The following RIT2 variants were observed in gnomAD, a reference collection of about 807,000 sequenced individuals.
The protein encoded by RIT2 is Ras like without CAAX 2, also known as GTP-binding protein Rit2.
RIT2 carries 24 observed loss-of-function variants against 23.7 expected under a neutral mutation model. The ratio of observed to expected loss-of-function variants is 1.01; its 90% CI spans 0.73 to 1.43. The LOEUF (loss-of-function observed/expected upper bound fraction) is 1.43. RIT2 is among the 40% of genes most tolerant of loss of function. The pLI is 0.00. For synonymous variants in RIT2, 107 were observed against 91.1 expected, an observed-to-expected ratio of 1.17 and a Z score of -0.99; for missense variants, 236 against 266.9, an observed-to-expected ratio of 0.88 and a Z score of 0.81.
chr18:42,994,845 A>T lies in RIT2; in HGVS notation c.161-20698T>A, dbSNP rs193258398. Among the ~76,000 whole-genome samples, 5 of 151,972 alleles carry T rather than the reference A, an allele frequency of 3.3e-5. No homozygotes were observed. The East Asian group carries it at 9.7e-4, about 30-fold the overall frequency. The stretch of plus-strand genomic sequence containing the variant: ...TTCCAAAATCTATTTTCTTCCTCAC[A>T]CCTGACACATATACTTTCTGCTCCC... On this transcript the variant is annotated intron_variant, in intron 2 of 4. Coordinates refer to ENST00000326695, the MANE Select transcript of RIT2 (RefSeq NM_002930.4).
chr18:43,026,428 C>A (rs1911719612), intron 2 of RIT2, among the ~76,000 whole-genome samples: 2 of 151,746 alleles, frequency 1.3e-5, no homozygotes, highest in South Asian at 4.1e-4. Flanking sequence ...GTGGTGCGTG[C>A]CTGTAGTCTC....
At chr18:43,093,332 T>C (rs549365546) in intron 1 of RIT2, among the ~76,000 whole-genome samples, 1 of 152,082 alleles carries the variant, frequency 6.6e-6, no homozygotes, top group Non-Finnish European at 1.5e-5. Flanking sequence ...CTACTATCAA[T>C]GGCAAAGCCT....
chr18:42,827,731 C>T lies in RIT2; in HGVS notation c.427-84011G>A, dbSNP rs573779237. Among the ~76,000 whole-genome samples, 9 of 152,044 alleles carry T rather than the reference C, an allele frequency of 5.9e-5. No individual in the cohort carries two copies. The South Asian group carries it at 1.2e-3, about 21-fold the overall frequency. ...AGTATTTAGAAAAATGTAGGCCAGG[C>T]GTGGTGGCTCATGCCTGCAATCCCA... is the stretch of plus-strand genomic sequence containing the variant. On this transcript the variant is annotated intron_variant, in intron 4 of 4. Coordinates refer to ENST00000326695, the MANE Select transcript of RIT2 (RefSeq NM_002930.4).
intron 1 of RIT2, among the ~76,000 whole-genome samples, chr18:43,060,013 T>C (rs890172674): frequency 6.6e-6 from 1 of 152,136 alleles, no homozygotes; most frequent in African/African-American, 2.4e-5. Flanking sequence ...ACAATTAGGC[T>C]TAAAGCACAG....
intron 4 of RIT2, among the ~76,000 whole-genome samples, chr18:42,763,668 T>G (rs1913356293): frequency 6.6e-6 from 1 of 152,162 alleles, no homozygotes. Flanking sequence ...TAATATTAAA[T>G]TAATCTCAGC....
chr18:42,775,688 C>G (rs1220900256), intron 4 of RIT2, among the ~76,000 whole-genome samples: 1 of 127,932 alleles, frequency 7.8e-6, no homozygotes, highest in African/African-American at 3.0e-5. Context: ...CAGAGCGAGA[C>G]TCCATCTCAA....
intron 4 of RIT2, among the ~76,000 whole-genome samples, chr18:42,784,295 AAAATG>A (rs1221118019): frequency 6.6e-6 from 1 of 151,908 alleles, no homozygotes; most frequent in Non-Finnish European, 1.5e-5. Context: ...AATTAATCTT[AAAATG>A]AAATGAAAGA....
At chr18:42,917,709 C>T (rs1425435592) in intron 4 of RIT2, among the ~76,000 whole-genome samples, 2 of 152,122 alleles carry the variant, frequency 1.3e-5, no homozygotes, top group African/African-American at 4.8e-5. Flanking sequence ...CTTTTTAGCT[C>T]TACATAACCT....
At chr18:43,076,658 G>A (rs1056488515) in intron 1 of RIT2, among the ~76,000 whole-genome samples, 1 of 152,108 alleles carries the variant, frequency 6.6e-6, no homozygotes, top group African/African-American at 2.4e-5. Flanking sequence ...ATTTGATTGA[G>A]GTCCATAGAT....
chr18:43,101,312 C>T (rs1387098391), intron 1 of RIT2, among the ~76,000 whole-genome samples: 1 of 152,128 alleles, frequency 6.6e-6, no homozygotes, highest in Non-Finnish European at 1.5e-5. Context: ...TGAATTCTTA[C>T]TCTCATTATG....
At chr18:42,891,455 G>C (rs1014686724) in intron 4 of RIT2, among the ~76,000 whole-genome samples, 4 of 152,068 alleles carry the variant, frequency 2.6e-5, no homozygotes, top group Admixed American at 6.6e-5. Flanking sequence ...AGAAAAACCT[G>C]CACATAGATT....
At chr18:42,937,191 G>T (rs1909481989) in intron 3 of RIT2, among the ~76,000 whole-genome samples, 1 of 152,100 alleles carries the variant, frequency 6.6e-6, no homozygotes, top group Admixed American at 6.6e-5. Flanking sequence ...TGTGAAAAAT[G>T]CCTTCCTCTA....
chr18:43,099,744 T>G (rs539408493), intron 1 of RIT2, among the ~76,000 whole-genome samples: 1 of 152,128 alleles, frequency 6.6e-6, no homozygotes, highest in South Asian at 2.1e-4. Flanking sequence ...TCTTGCAGGG[T>G]TTTTTTCTGA....
chr18:43,062,519 A>G (rs1912671928), intron 1 of RIT2, among the ~76,000 whole-genome samples: 1 of 152,164 alleles, frequency 6.6e-6, no homozygotes, highest in South Asian at 2.1e-4. Context: ...CAGTCAGGAT[A>G]AATATTGGAT....
intron 4 of RIT2, among the ~76,000 whole-genome samples, chr18:42,824,040 C>A (rs774026333): frequency 2.0e-5 from 3 of 151,974 alleles, no homozygotes; most frequent in Non-Finnish European, 4.4e-5. Context: ...CACTCATTTC[C>A]TTGTTTATTT....
At chr18:42,759,012 G>A (rs1309798896) in intron 4 of RIT2, among the ~76,000 whole-genome samples, 8 of 152,132 alleles carry the variant, frequency 5.3e-5, no homozygotes, top group Admixed American at 3.9e-4. Flanking sequence ...CTTGCAGATT[G>A]CAGATGTGGG....
intron 2 of RIT2, among the ~76,000 whole-genome samples, chr18:43,011,800 GCTTT>G (rs1911357633): frequency 6.6e-6 from 1 of 151,532 alleles, no homozygotes; most frequent in Non-Finnish European, 1.5e-5. Flanking sequence ...CTCATTTTTT[GCTTT>G]CTGAAATTCC....
chr18:43,043,034 C>T (rs1317291884), intron 1 of RIT2, among the ~76,000 whole-genome samples: 2 of 151,800 alleles, frequency 1.3e-5, no homozygotes, highest in Non-Finnish European at 1.5e-5. Context: ...ATTATTATGT[C>T]TTTTATGTCC....
intron 4 of RIT2, among the ~76,000 whole-genome samples, chr18:42,855,505 T>C (rs1907157765): frequency 6.6e-6 from 1 of 152,172 alleles, no homozygotes; most frequent in Admixed American, 6.5e-5. Context: ...AAACCTGTAA[T>C]GAGAACAGAA....
Sources: allele counts gnomAD v4.1 joint callset (sites outside exome capture counted in the v4.1 genomes callset), GRCh38; gene constraint gnomAD v4.1.1; transcripts MANE v1.5; gene names NCBI Gene and HGNC (gene_info 2026-07-23, HGNC 2026-07-21).